Variants in PCDH19 observed in about 807,000 individuals in gnomAD.
PCDH19 encodes protocadherin-19.
PCDH19 carries 6 observed loss-of-function variants against 46.2 expected under a neutral mutation model. The ratio of observed to expected loss-of-function variants is 0.13; its 90% confidence interval spans 0.07 to 0.26. The LOEUF (loss-of-function observed/expected upper bound fraction) is 0.26. PCDH19 is among the 10% of genes least tolerant of loss of function. The pLI, the probability that PCDH19 is intolerant of heterozygous loss-of-function variation, is 1.00. For missense variants in PCDH19, 740 were observed against 972.3 expected (o/e 0.76, Z 3.18); for synonymous variants, 481 against 415.7 (o/e 1.16, Z -1.91).
At chrX:100,397,538 T>G (rs1928061111) in intron 3 of PCDH19, among the ~76,000 whole-genome samples, 1 of 111,952 alleles carries the variant, frequency 8.9e-6, no homozygotes, top group East Asian at 2.8e-4. Flanking sequence ...ATTCTCTAAG[T>G]TTTTGCCTAC....
chrX:100,385,202 T>C (rs1419507185), intron 3 of PCDH19, among the ~76,000 whole-genome samples: 1 of 108,386 alleles, frequency 9.2e-6, no homozygotes, highest in African/African-American at 3.4e-5. Flanking sequence ...CAATAATGCA[T>C]GGGACTGCCT....
Position 100,406,718 on chromosome X carries a change from G to A in PCDH19, c.1880C>T (p.Thr627Ile). 2 of 1,211,919 alleles carry A rather than the reference G, an allele frequency of 1.7e-6. No individual in the cohort carries two copies. The highest frequency in any genetic ancestry group is 1.1e-6 in the Non-Finnish European group (1 of 895,576). The change falls in exon 1 of 6, where the codon ACC becomes ATC. Residue 627 changes from threonine to isoleucine, a missense_variant. Thr to Ile is a moderately conservative substitution (Grantham distance 89). Around this residue, in one of 5 missense-constraint regions of PCDH19, gnomAD observed 416 missense variants for 476.8 expected, o/e 0.87. Transcript: ENST00000373034. ...CTTGGAGCTCTCCCCGAAGGTGCGG[G>A]TGGTTCTGACTTCGCCATTGACCTG... ...IDQVNGEVRT[T>I]RTFGESSKSS...
At chrX:100,315,924 C>G (rs1435254621) in intron 5 of PCDH19, among the ~76,000 whole-genome samples, 1 of 111,574 alleles carries the variant, frequency 9.0e-6, no homozygotes, top group East Asian at 2.8e-4. Context: ...AGGATCACCC[C>G]CCGACTACAG....
intron 3 of PCDH19, among the ~76,000 whole-genome samples, chrX:100,387,362 G>C (rs1172032333): frequency 9.0e-6 from 1 of 111,563 alleles, no homozygotes; most frequent in Non-Finnish European, 1.9e-5. Context: ...AAAATTTTTA[G>C]CATCTCAATG....
chrX:100,363,856 C>CATGTGTGTATGTGTGTGTGT (rs57620335), intron 3 of PCDH19, among the ~76,000 whole-genome samples: 1 of 88,992 alleles, frequency 1.1e-5, no homozygotes, highest in Non-Finnish European at 2.1e-5. Context: ...AATGTGCGTG[C>CATGTGTGTATGTGTGTGTGT]GTGTGTGTGT....
At chrX:100,406,160 C>T (rs192707488) in intron 1 of PCDH19, among the ~76,000 whole-genome samples, 133 of 111,353 alleles carry the variant, frequency 1.2e-3, no homozygotes, top group Middle Eastern at 4.6e-3. Flanking sequence ...TTTTTCCTAC[C>T]ATAACTTCAT....
At chrX:100,318,987 G>GA (rs368349755) in intron 5 of PCDH19, among the ~76,000 whole-genome samples, 24,712 of 102,053 alleles carry the variant, frequency 0.24, 2,547 homozygotes, top group Middle Eastern at 0.48. Context: ...CATCATTTAA[G>GA]AAAAAAAAAA....
At chrX:100,401,161 A>G (rs1376009117) in intron 3 of PCDH19, among the ~76,000 whole-genome samples, 1 of 111,949 alleles carries the variant, frequency 8.9e-6, no homozygotes, top group African/African-American at 3.3e-5. Flanking sequence ...AGCTTGGAAG[A>G]GGACATATGC....
intron 3 of PCDH19, among the ~76,000 whole-genome samples, chrX:100,399,533 C>T (rs779846462): frequency 6.3e-5 from 7 of 111,824 alleles, no homozygotes; most frequent in Admixed American, 9.5e-5. Context: ...ATCAATCATC[C>T]CTGCTCTTCT....
chrX:100,301,632 G>C (rs1241712429), intron 5 of PCDH19, among the ~76,000 whole-genome samples: 1 of 111,556 alleles, frequency 9.0e-6, no homozygotes. Context: ...TCATGAACAA[G>C]ACAATCTGTA....
chrX:100,376,825 T>C (rs777310462), intron 3 of PCDH19, among the ~76,000 whole-genome samples: 35 of 112,356 alleles, frequency 3.1e-4, no homozygotes, highest in African/African-American at 1.1e-3. Context: ...TATTAGGCAA[T>C]ATTTACACCA....
At position 100,407,277 on chromosome X, in the gene PCDH19, C is replaced by G. The variant is rs200126728; in HGVS notation, c.1321G>C (p.Val441Leu). 2.3e-4 allele frequency: 276 copies of G among 1,210,537 alleles called. No homozygotes were observed. Among genetic ancestry groups the G allele is most frequent in the Non-Finnish European group, 2.9e-4 (264 of 895,307 alleles). The change falls in exon 1 of 6, where the codon GTG (valine) becomes CTG (leucine). Residue 441 changes from valine (V) to leucine (L), a missense_variant. By Grantham distance (32) the Val-to-Leu change is conservative. Transcript: ENST00000373034. The stretch of plus-strand genomic sequence containing the variant: ...TTGTCATTTTCGTCAGTGATGAGCA[C>G]GGTAAAGGACTTGGCACTCTGCAGC... ...PMLQSAKSFTVLITDENDNHP... is the reference protein window; with the variant it reads ...PMLQSAKSFTLLITDENDNHP...
At chrX:100,368,752 T>C (rs1927139756) in intron 3 of PCDH19, among the ~76,000 whole-genome samples, 1 of 111,453 alleles carries the variant, frequency 9.0e-6, no homozygotes, top group African/African-American at 3.3e-5. Context: ...GAGAACGATG[T>C]TTCTGTGTCT....
chrX:100,404,261 G>A (rs1248947182), intron 1 of PCDH19, among the ~76,000 whole-genome samples: 1 of 111,751 alleles, frequency 8.9e-6, no homozygotes, highest in African/African-American at 3.3e-5. Flanking sequence ...AAGCAATTGA[G>A]TTCCCCTCAC....
At chrX:100,320,942 C>T (rs1270476522) in intron 5 of PCDH19, among the ~76,000 whole-genome samples, 1 of 105,662 alleles carries the variant, frequency 9.5e-6, no homozygotes, top group Admixed American at 1.0e-4. Context: ...CCCCCTTCCA[C>T]CCATCCCCCC....
At chrX:100,333,150 GAA>G (rs1169145702) in intron 5 of PCDH19, among the ~76,000 whole-genome samples, 35 of 52,153 alleles carry the variant, frequency 6.7e-4, no homozygotes, top group Non-Finnish European at 1.2e-3. Flanking sequence ...AGGAAGGAAG[GAA>G]GGAAGGAAGG....
intron 4 of PCDH19, among the ~76,000 whole-genome samples, chrX:100,344,256 A>G (rs1215979743): frequency 8.9e-6 from 1 of 112,083 alleles, no homozygotes; most frequent in African/African-American, 3.2e-5. Flanking sequence ...TTATGGACCC[A>G]CCAGGATGCC....
chrX:100,351,426 T>C (rs1321877150), intron 3 of PCDH19, among the ~76,000 whole-genome samples: 3 of 112,536 alleles, frequency 2.7e-5, no homozygotes, highest in African/African-American at 9.7e-5. Flanking sequence ...AAATGCAGAA[T>C]ACCTGCCAGA....
rs1362304786 is a variant in PCDH19, at chrX:100,408,028, G to C, written c.570C>G (p.Leu190=). 4 of 1,208,301 alleles carry C rather than the reference G, an allele frequency of 3.3e-6. No homozygotes were observed. The highest frequency in any genetic ancestry group is 4.5e-6 in the Non-Finnish European group (4 of 895,579). The change falls in exon 1 of 6, where the codon CTC becomes CTG. Residue 190 remains leucine (L), a synonymous_variant. Coordinates refer to ENST00000373034, the MANE Select transcript of PCDH19 (RefSeq NM_001184880.2). ...CGCGGTCCAGGCTCTTTTCCACCAC[G>C]AGTTCGGCAAAGCGGGAGCCGTCGC... is the stretch of plus-strand genomic sequence containing the variant. ...TRGDGSRFAE[L]VVEKSLDRET...
Sources: gnomAD v4.1 joint callset for allele counts (sites outside exome capture counted in the v4.1 genomes callset) on GRCh38, gnomAD v4.1.1 for gene constraint, gnomAD v4.1.1 regional missense constraint, MANE v1.5 for transcripts, NCBI Gene and HGNC (gene_info 2026-07-23, HGNC 2026-07-21) for gene names.